The following MGAM2 variants were observed in gnomAD, a reference collection of about 807,000 sequenced individuals.
MGAM2 encodes the protein maltase-glucoamylase 2 (putative).
MGAM2 carries 98 observed loss-of-function variants against 96.1 expected under a neutral mutation model. The ratio of observed to expected loss-of-function variants is 1.02; its 90% CI spans 0.87 to 1.21. The LOEUF (loss-of-function observed/expected upper bound fraction) is 1.21, where lower values mean the gene tolerates loss of function less well. Ranked by LOEUF, MGAM2 falls within the 50% of genes most tolerant of loss-of-function variation. The pLI, the probability that MGAM2 is intolerant of heterozygous loss-of-function variation, is 0.00. For synonymous variants in MGAM2, 749 were observed against 414.8 expected, an observed-to-expected ratio of 1.81 and a Z score of -9.79; for missense variants, 2,055 against 1,182.4, an observed-to-expected ratio of 1.74 and a Z score of -10.82.
intron 33 of MGAM2, 126 bp from the exon 34 acceptor site, chr7:142,184,951 T>A (rs1796648993): frequency 7.7e-6 from 4 of 518,028 alleles, no homozygotes; most frequent in Admixed American, 6.4e-5. Flanking sequence ...CTTTACAGTT[T>A]AATTTATGGC....
intron 3 of MGAM2, among the ~76,000 whole-genome samples, chr7:142,123,628 C>A (rs1794648921): frequency 6.6e-6 from 1 of 151,776 alleles, no homozygotes; most frequent in Non-Finnish European, 1.5e-5. Flanking sequence ...TTCTACTGAA[C>A]TGTTCATCTT....
rs1430348819 is a variant in MGAM2 at position 142,196,217 on chromosome 7, T to C, written c.4410T>C (p.Ser1470=). ...VIITRSTFPS[S]GRWGGHRLGN... ...TCACCCGCTCCACATTTCCCTCTTCTGGACGCTGGGGAGGACACCGGTTGG... is the reference window on the plus strand; with the variant it reads ...TCACCCGCTCCACATTTCCCTCTTCCGGACGCTGGGGAGGACACCGGTTGG... Residue 1470 remains serine, a synonymous_variant, in exon 38 of 48, where the codon TCT becomes TCC. Coordinates refer to ENST00000477922, the MANE Select transcript of MGAM2 (RefSeq NM_001293626.2). The C allele has an allele frequency of 9.8e-6, 11 of 1,127,218 alleles. No homozygotes were observed. Among genetic ancestry groups the C allele is most frequent in the Non-Finnish European group, 1.5e-5 (11 of 758,270 alleles). 69.8% of individuals were successfully genotyped at this position (1,127,218 alleles called of 1,614,324 possible).
At chr7:142,212,791 G>A (rs539962042) in intron 46 of MGAM2, among the ~76,000 whole-genome samples, 15 of 152,144 alleles carry the variant, frequency 9.9e-5, no homozygotes, top group Non-Finnish European at 1.9e-4. Context: ...CAGAAAATTA[G>A]CAAGGATATT....
chr7:142,112,592 G>A (rs1417031334), intron 1 of MGAM2, among the ~76,000 whole-genome samples: 1 of 151,928 alleles, frequency 6.6e-6, no homozygotes, highest in Non-Finnish European at 1.5e-5. Context: ...TCCACCATTG[G>A]AGACCGATCC....
In MGAM2 at chr7:142,131,492, C is replaced by G. The variant is rs1358810393; in HGVS notation, c.311-26C>G. The G allele has an allele frequency of 4.3e-6, 3 of 697,048 alleles. No individual in the cohort carries two copies. In the East Asian group the frequency reaches 8.1e-5, roughly 19 times the overall value. The allele number at this position is 697,048 out of a possible 1,614,324, so 43.2% of individuals were successfully genotyped here. A position where few individuals can be genotyped will look rare whatever the true frequency, so the allele number is the denominator to read the frequency against. On this transcript the variant is annotated intron_variant, in intron 4 of 47. Transcript: ENST00000477922. ...ACACTAAAAGTTAGTCTCCTTTTCT[C>G]TCTCTCCATATCTTGCCACCCCTAG...
At chr7:142,159,403 G>A in intron 20 of MGAM2, 60 bp downstream of exon 20, 1 of 697,880 alleles carries the variant, frequency 1.4e-6, no homozygotes, top group Non-Finnish European at 2.6e-6. Context: ...CAATTCTAAA[G>A]CAGCAGTCTT....
Position 142,167,579 on chromosome 7 carries a change from T to G in MGAM2, c.3027+93T>G, listed in dbSNP as rs537828113. ...AAGTCATTGAAACAATTAAAACATTTTTTTTCTTTTCAAGACAGGATCTCC... is the reference window on the plus strand; with the variant it reads ...AAGTCATTGAAACAATTAAAACATTGTTTTTCTTTTCAAGACAGGATCTCC... On this transcript the variant is annotated intron_variant, in intron 26 of 47. Coordinates refer to ENST00000477922, the MANE Select transcript of MGAM2 (RefSeq NM_001293626.2). The G allele has an allele frequency of 6.9e-5, 46 of 662,564 alleles. No homozygotes were observed. In the Admixed American group the frequency reaches 7.9e-4, roughly 11 times the overall value. The allele number at this position is 662,564 out of a possible 1,614,324, so 41.0% of individuals were successfully genotyped here.
At position 142,171,440 on chromosome 7, in the gene MGAM2, G is replaced by A. The variant is rs1407084827; in HGVS notation, c.3351G>A (p.Ala1117=). 6 of 702,444 alleles carry A rather than the reference G, an allele frequency of 8.5e-6. No individual in the cohort carries two copies. The highest frequency in any genetic ancestry group is 1.8e-5 in the African/African-American group (1 of 57,036). 43.5% of individuals were successfully genotyped at this position (702,444 alleles called of 1,614,324 possible). A position where few individuals can be genotyped will look rare whatever the true frequency, so the allele number is the denominator to read the frequency against. The change falls in exon 28 of 48, where the codon GCG becomes GCA. Residue 1117 remains alanine, a splice_region_variant and synonymous_variant. Transcript: ENST00000477922. ...WGMFAHDEPP[A]YKKNSYGVHP... Reference sequence around the variant, plus strand: ...TGTTTGCTCATGATGAGCCACCTGCGGTAGGGACAAAGGAATAAGTTTAGC... The same window carrying A: ...TGTTTGCTCATGATGAGCCACCTGCAGTAGGGACAAAGGAATAAGTTTAGC...
Position 142,114,208 on chromosome 7 carries a change from AAGAAAGAG to A in MGAM2, c.-1+2409_-1+2416del, listed in dbSNP as rs1481239986. On this transcript the variant is annotated intron_variant, in intron 1 of 47. Transcript: ENST00000477922. Reference sequence around the variant, plus strand: ...AAAGAAAGAAAGAAAGAAAGAAAGAAAGAAAGAGAGAAAGAAAGAAAGAAATAGGAGAC... The same window carrying A: ...AAAGAAAGAAAGAAAGAAAGAAAGAAAGAAAGAAAGAAAGAAATAGGAGAC... Among the ~76,000 whole-genome samples the A allele has an allele frequency of 4.8e-3, 646 of 133,418 alleles. 10 individuals carry two copies. The highest frequency in any genetic ancestry group is 0.015 in the East Asian group (72 of 4,818). The allele number at this position is 133,418 out of a possible 152,430, so 87.5% of individuals were successfully genotyped here.
At chr7:142,162,241 A>G (rs4341084) in intron 23 of MGAM2, among the ~76,000 whole-genome samples, 117,321 of 151,870 alleles carry the variant, frequency 0.77, 45,356 homozygotes, top group Non-Finnish European at 0.79. Flanking sequence ...AAAAAACATT[A>G]CCTTTGAGTT....
chr7:142,201,076 TTTTTTC>T (rs1187157997), intron 45 of MGAM2, among the ~76,000 whole-genome samples: 6 of 120,030 alleles, frequency 5.0e-5, no homozygotes, highest in African/African-American at 1.8e-4. Flanking sequence ...TTTTTCTTTT[TTTTTTC>T]TTTTTTTTTT....
At chr7:142,212,301 G>C (rs916457309) in intron 46 of MGAM2, among the ~76,000 whole-genome samples, 1 of 152,048 alleles carries the variant, frequency 6.6e-6, no homozygotes, top group African/African-American at 2.4e-5. Context: ...TCAACTAATG[G>C]GCAAAATAAC....
intron 2 of MGAM2, among the ~76,000 whole-genome samples, chr7:142,117,393 T>G (rs1017884517): frequency 6.6e-6 from 1 of 152,190 alleles, no homozygotes; most frequent in African/African-American, 2.4e-5. Flanking sequence ...TATACCAACA[T>G]ACATAGCTAT....
intron 45 of MGAM2, among the ~76,000 whole-genome samples, chr7:142,206,585 C>T (rs990615933): frequency 9.9e-5 from 15 of 152,068 alleles, no homozygotes; most frequent in African/African-American, 3.4e-4. Context: ...GCAAAATCAA[C>T]CCCCTATGAG....
At chr7:142,171,597 C>A in intron 28 of MGAM2, among the ~76,000 whole-genome samples, 157 bp downstream of exon 28, 3 of 100,668 alleles carry the variant, frequency 3.0e-5, no homozygotes, top group Non-Finnish European at 3.9e-5. Context: ...TCTTTTGTCC[C>A]TAAAAGGCAT....
intron 46 of MGAM2, among the ~76,000 whole-genome samples, chr7:142,215,440 C>T (rs1007038669): frequency 6.6e-6 from 1 of 150,880 alleles, no homozygotes; most frequent in Admixed American, 6.6e-5. Flanking sequence ...ACATGTATCC[C>T]AGAACTTAAA....
chr7:142,143,975 TA>T, intron 13 of MGAM2, 93 bp downstream of exon 13: 1 of 655,786 alleles, frequency 1.5e-6, no homozygotes, highest in East Asian at 2.7e-5. Flanking sequence ...TAAATGTCAA[TA>T]AAAAATAGTT....
At chr7:142,218,241 T>C (rs1403084173) in intron 46 of MGAM2, 120 bp from the exon 47 acceptor site, 1 of 487,390 alleles carries the variant, frequency 2.1e-6, no homozygotes, top group Admixed American at 3.8e-5. Context: ...TTTAAATACA[T>C]AAATAGAAAT....
At chr7:142,157,416 A>T (rs1003811459) in intron 17 of MGAM2, among the ~76,000 whole-genome samples, 1 of 149,468 alleles carries the variant, frequency 6.7e-6, no homozygotes, top group Non-Finnish European at 1.5e-5. Context: ...TTTTTGAGAC[A>T]GAGTCTCATT....
Sources: gnomAD v4.1 joint callset for allele counts (sites outside exome capture counted in the v4.1 genomes callset) on GRCh38, gnomAD v4.1.1 for gene constraint, MANE v1.5 for transcripts, NCBI Gene and HGNC (gene_info 2026-07-23, HGNC 2026-07-21) for gene names.